MTMR7: variants seen among roughly 807,000 people sequenced by gnomAD.
The protein encoded by MTMR7 is phosphatidylinositol-3-phosphate phosphatase MTMR7.
Under a neutral mutation model 81.2 loss-of-function variants are expected in MTMR7, and 76 were observed. That is an observed-to-expected ratio of 0.94 (90% CI 0.78 to 1.13). The LOEUF is 1.13. Ranked by LOEUF, MTMR7 falls within the 50% of genes most tolerant of loss-of-function variation. The pLI, the probability that MTMR7 is intolerant of heterozygous loss-of-function variation, is 0.00. For synonymous variants in MTMR7, 372 were observed against 289.8 expected (o/e 1.28, Z -2.88); for missense variants, 1,044 against 820.0 (o/e 1.27, Z -3.34).
intron 1 of MTMR7, among the ~76,000 whole-genome samples, chr8:17,392,252 T>G (rs188983849): frequency 6.6e-6 from 1 of 152,330 alleles, no homozygotes; most frequent in East Asian, 1.9e-4. Context: ...TTCCTCCAGA[T>G]GTAAGACAGA....
rs151025708 is a variant in MTMR7, at chr8:17,403,351, T to C, written c.24+9918A>G. On this transcript the variant is annotated intron_variant, in intron 1 of 13. Coordinates refer to ENST00000180173, the MANE Select transcript of MTMR7 (RefSeq NM_004686.5). ...AAGAGACTGTCTTTTTCCCAATATA[T>C]GTCATTGGCACTATTTTCGAAAACA... Among the ~76,000 whole-genome samples the C allele has an allele frequency of 9.2e-5, 14 of 152,318 alleles. No individual in the cohort carries two copies. In the East Asian group the frequency reaches 2.7e-3, roughly 29 times the overall value.
chr8:17,309,435 T>A (rs920720227), intron 9 of MTMR7, 109 bp from the exon 10 acceptor site: 13 of 754,376 alleles, frequency 1.7e-5, no homozygotes, highest in Admixed American at 2.4e-5. Context: ...GTCCCCATCC[T>A]CGAGTAACCT....
chr8:17,409,167 A>C (rs1014658335), intron 1 of MTMR7, among the ~76,000 whole-genome samples: 1 of 152,182 alleles, frequency 6.6e-6, no homozygotes, highest in Non-Finnish European at 1.5e-5. Flanking sequence ...TCTTAAAAAT[A>C]AAGTAATGAG....
At chr8:17,376,258 A>C (rs1037348887) in intron 1 of MTMR7, among the ~76,000 whole-genome samples, 1 of 152,188 alleles carries the variant, frequency 6.6e-6, no homozygotes, top group Non-Finnish European at 1.5e-5. Flanking sequence ...CTATTCATAG[A>C]ATGTACCAGT....
chr8:17,390,188 G>A (rs1821065085), intron 1 of MTMR7, among the ~76,000 whole-genome samples: 1 of 152,054 alleles, frequency 6.6e-6, no homozygotes. Context: ...TCGTGGTTCT[G>A]CAGGCTGTAC....
intron 3 of MTMR7, among the ~76,000 whole-genome samples, chr8:17,365,267 T>C (rs1034420577): frequency 2.0e-5 from 3 of 152,096 alleles, no homozygotes; most frequent in Non-Finnish European, 4.4e-5. Context: ...AGAGTACTTG[T>C]TTTTTTTCCT....
chr8:17,404,100 T>C (rs1301105085), intron 1 of MTMR7, among the ~76,000 whole-genome samples: 3 of 152,204 alleles, frequency 2.0e-5, no homozygotes, highest in Non-Finnish European at 2.9e-5. Context: ...CTCCAAATTA[T>C]ATTTAACAGT....
chr8:17,315,528 G>A (rs768010283), intron 7 of MTMR7, among the ~76,000 whole-genome samples: 16 of 152,290 alleles, frequency 1.1e-4, no homozygotes, highest in Middle Eastern at 3.4e-3. Flanking sequence ...ACTCCGTCGG[G>A]GATGTGAATA....
At chr8:17,340,234 C>T (rs117158969) in intron 6 of MTMR7, among the ~76,000 whole-genome samples, 11,013 of 152,250 alleles carry the variant, frequency 0.072, 744 homozygotes, top group East Asian at 0.31. Flanking sequence ...ATTACAGGCA[C>T]AAGCCACTGC....
At chr8:17,381,007 C>A (rs1318934926) in intron 1 of MTMR7, among the ~76,000 whole-genome samples, 1 of 152,030 alleles carries the variant, frequency 6.6e-6, no homozygotes, top group Non-Finnish European at 1.5e-5. Flanking sequence ...ATGAAAGAGA[C>A]AGAACACTAA....
At chr8:17,323,041 G>A (rs1261875461) in intron 7 of MTMR7, among the ~76,000 whole-genome samples, 2 of 142,276 alleles carry the variant, frequency 1.4e-5, no homozygotes, top group East Asian at 2.3e-4. Flanking sequence ...TCCACCTCCC[G>A]GATTCAAGCA....
At chr8:17,322,617 C>T (rs138498868) in intron 7 of MTMR7, among the ~76,000 whole-genome samples, 57 of 152,028 alleles carry the variant, frequency 3.7e-4, no homozygotes, top group African/African-American at 1.3e-3. Flanking sequence ...CCCAGGAGTT[C>T]AAGATCAACC....
Position 17,302,048 on chromosome 8 carries a change from A to T in MTMR7, c.1620+106T>A. The T allele has an allele frequency of 6.8e-6, 10 of 1,475,052 alleles. No homozygotes were observed. The South Asian group carries it at 1.2e-4, about 18-fold the overall frequency. The allele number at this position is 1,475,052 out of a possible 1,614,324, so 91.4% of individuals were successfully genotyped here. ...GTGTTTCAGGTGTTCTACTGACTAA[A>T]AATGTGAAATATTTGTATTGCACTG... On this transcript the variant is annotated intron_variant, in intron 13 of 13. Transcript: ENST00000180173.
chr8:17,408,395 CAAAAAAA>C (rs530240881), intron 1 of MTMR7, among the ~76,000 whole-genome samples: 1 of 23,486 alleles, frequency 4.3e-5, no homozygotes. Flanking sequence ...GACTCCGTCT[CAAAAAAA>C]AAAAAAAAAA....
At position 17,305,891 on chromosome 8, in the gene MTMR7, AAC is replaced by A; in HGVS notation, c.1216_1217del (p.Val406LeufsTer12). 5.0e-6 allele frequency: 8 copies of A among 1,613,796 alleles called. No homozygotes were observed. Among genetic ancestry groups the A allele is most frequent in the Non-Finnish European group, 6.8e-6 (8 of 1,179,762 alleles). Reference sequence around the variant, plus strand: ...AGGGAAATTGTTCCATTAACTGCCAAACACACTCAATGAACTGGTCAATAACT... The same window carrying A: ...AGGGAAATTGTTCCATTAACTGCCAAACACTCAATGAACTGGTCAATAACT... ...SPVIDQFIECVWQLMEQFPCA... is the reference protein window; with the variant it reads ...SPVIDQFIECXWQLMEQFPCA... On this transcript the variant is annotated frameshift_variant, in exon 11 of 14. Coordinates refer to ENST00000180173, the MANE Select transcript of MTMR7 (RefSeq NM_004686.5). LOFTEE classifies it high-confidence loss of function.
chr8:17,390,477 G>A (rs1335697063), intron 1 of MTMR7, among the ~76,000 whole-genome samples: 4 of 152,146 alleles, frequency 2.6e-5, no homozygotes, highest in Admixed American at 2.6e-4. Context: ...TTACAATTTG[G>A]CATAAGATAT....
intron 1 of MTMR7, among the ~76,000 whole-genome samples, chr8:17,394,417 T>C (rs1023165961): frequency 3.9e-5 from 6 of 152,188 alleles, no homozygotes; most frequent in Non-Finnish European, 8.8e-5. Context: ...CTTGAAAATC[T>C]TAAGTTACGC....
At position 17,413,310 on chromosome 8, in the gene MTMR7, A is replaced by G. The variant is rs1237802028; in HGVS notation, c.-18T>C. On this transcript the variant is annotated 5_prime_UTR_variant, in exon 1 of 14. Coordinates refer to ENST00000180173, the MANE Select transcript of MTMR7 (RefSeq NM_004686.5). ...TGCTCCATGGCTGGCCCACGTCTGCAGGGTCCCGGGCGGGCGCGGCCTCAC... is the reference window on the plus strand; with the variant it reads ...TGCTCCATGGCTGGCCCACGTCTGCGGGGTCCCGGGCGGGCGCGGCCTCAC... 1.3e-6 allele frequency: 2 copies of G among 1,539,850 alleles called. No individual in the cohort carries two copies. Among genetic ancestry groups the G allele is most frequent in the African/African-American group, 2.8e-5 (2 of 71,942 alleles).
At chr8:17,318,536 C>T (rs961882789) in intron 7 of MTMR7, among the ~76,000 whole-genome samples, 7 of 152,218 alleles carry the variant, frequency 4.6e-5, no homozygotes, top group Middle Eastern at 3.4e-3. Context: ...ATAGTGTTCC[C>T]GATGGGTCTG....
Sources: allele counts gnomAD v4.1 joint callset (sites outside exome capture counted in the v4.1 genomes callset), GRCh38; gene constraint gnomAD v4.1.1; transcripts MANE v1.5; gene names NCBI Gene and HGNC (gene_info 2026-07-23, HGNC 2026-07-21).